EXOC1L: variants seen among roughly 807,000 people sequenced by gnomAD.
EXOC1L encodes exocyst complex component 1-like.
Under a neutral mutation model 4.9 loss-of-function variants are expected in EXOC1L, and 10 were observed. The ratio of observed to expected loss-of-function variants is 2.02; its 90% CI spans 1.25 to 3.43. The LOEUF (loss-of-function observed/expected upper bound fraction) is 3.43. Ranked by LOEUF, EXOC1L falls within the 30% of genes most tolerant of loss-of-function variation. The pLI, the probability that EXOC1L is intolerant of heterozygous loss-of-function variation, is 0.00. For missense variants in EXOC1L, 114 were observed against 59.4 expected (o/e 1.92, Z -3.02); for synonymous variants, 41 against 20.8 (o/e 1.97, Z -2.63).
intron 1 of EXOC1L, among the ~76,000 whole-genome samples, chr4:55,830,555 G>A (rs1720004376): frequency 6.6e-6 from 1 of 151,996 alleles, no homozygotes; most frequent in South Asian, 2.1e-4. Flanking sequence ...TTCAACTTAA[G>A]AGCTCTATGC....
At chr4:55,831,249 G>C in intron 1 of EXOC1L, 85 bp from the exon 2 acceptor site, 1 of 497,578 alleles carries the variant, frequency 2.0e-6, no homozygotes, top group Non-Finnish European at 3.5e-6. Context: ...ATTAAAAGGG[G>C]ATACATAAAT....
chr4:55,830,987 C>T (rs761401459), intron 1 of EXOC1L, among the ~76,000 whole-genome samples: 1 of 152,186 alleles, frequency 6.6e-6, no homozygotes, highest in Non-Finnish European at 1.5e-5. Flanking sequence ...ACACTTGGCA[C>T]TGACTGTATG....
intron 1 of EXOC1L, among the ~76,000 whole-genome samples, chr4:55,828,112 A>G (rs963488115): frequency 1.3e-5 from 2 of 151,978 alleles, no homozygotes; most frequent in African/African-American, 4.8e-5. Context: ...AAAACGTATA[A>G]TCCCTCCTCT....
At position 55,822,792 on chromosome 4, in the gene EXOC1L, C is replaced by G. The variant is rs549753634; in HGVS notation, c.121+2645C>G. The stretch of plus-strand genomic sequence containing the variant: ...AACACTTATATCTGCCCACAGTGCT[C>G]CCCTGTTAAATTCTTACTAGGATAA... On this transcript the variant is annotated intron_variant, in intron 1 of 2. Transcript: ENST00000636125. 3.5e-4 allele frequency among the ~76,000 whole-genome samples: 54 copies of G among 152,188 alleles called. 1 individual carries two copies. The South Asian group carries it at 0.011, about 32-fold the overall frequency.
At chr4:55,837,006 C>G in intron 2 of EXOC1L, 79 bp from the exon 3 acceptor site, 1 of 558,944 alleles carries the variant, frequency 1.8e-6, no homozygotes, top group South Asian at 2.5e-5. Flanking sequence ...TAAACATATC[C>G]AAGAGAATAT....
intron 2 of EXOC1L, 100 bp from the exon 3 acceptor site, chr4:55,836,985 T>A: frequency 3.9e-6 from 2 of 515,830 alleles, no homozygotes; most frequent in Non-Finnish European, 6.9e-6. Context: ...ATACTGATAC[T>A]TTACAATCAA....
intron 1 of EXOC1L, among the ~76,000 whole-genome samples, chr4:55,825,521 T>C (rs561282055): frequency 6.6e-6 from 1 of 152,316 alleles, no homozygotes; most frequent in South Asian, 2.1e-4. Flanking sequence ...TATGCAATAT[T>C]ACTTTTAGTA....
intron 1 of EXOC1L, among the ~76,000 whole-genome samples, chr4:55,821,359 A>G (rs1719732668): frequency 6.6e-6 from 1 of 152,180 alleles, no homozygotes; most frequent in Non-Finnish European, 1.5e-5. Flanking sequence ...TAAAAACAAT[A>G]TAAGTAAGAA....
intron 2 of EXOC1L, among the ~76,000 whole-genome samples, chr4:55,832,893 A>C (rs889150879): frequency 1.3e-5 from 2 of 152,040 alleles, no homozygotes; most frequent in Admixed American, 6.6e-5. Flanking sequence ...CTGAGGATAC[A>C]GTAGAGAATT....
Position 55,833,038 on chromosome 4 carries a change from T to G in EXOC1L, c.252+1574T>G, listed in dbSNP as rs999086843. ...TTAAAAACCTTTTTAAAAAAGTTGGTGTGTTTGACATGACTTCTTGGCAAA... is the reference window on the plus strand; with the variant it reads ...TTAAAAACCTTTTTAAAAAAGTTGGGGTGTTTGACATGACTTCTTGGCAAA... On this transcript the variant is annotated intron_variant, in intron 2 of 2. Coordinates refer to ENST00000636125, the MANE Select transcript of EXOC1L (RefSeq NM_001351574.3). Among the ~76,000 whole-genome samples, 5 of 152,188 alleles carry G rather than the reference T, an allele frequency of 3.3e-5. 1 individual carries two copies. The highest frequency in any genetic ancestry group is 1.2e-4 in the African/African-American group (5 of 41,576).
At chr4:55,821,045 C>A (rs1362161250) in intron 1 of EXOC1L, among the ~76,000 whole-genome samples, 1 of 152,158 alleles carries the variant, frequency 6.6e-6, no homozygotes, top group Admixed American at 6.5e-5. Flanking sequence ...AAGGAACACA[C>A]CTATTTTCAG....
intron 2 of EXOC1L, among the ~76,000 whole-genome samples, chr4:55,834,736 T>C (rs1230501624): frequency 1.3e-5 from 2 of 151,928 alleles, no homozygotes; most frequent in Non-Finnish European, 2.9e-5. Flanking sequence ...AAAAAAATTG[T>C]GAATGTGACT....
intron 1 of EXOC1L, among the ~76,000 whole-genome samples, chr4:55,823,111 T>C (rs1029887487): frequency 6.6e-5 from 10 of 152,042 alleles, no homozygotes; most frequent in African/African-American, 2.4e-4. Context: ...CTTCCATTCA[T>C]AGCTATTAAT....
chr4:55,835,734 C>T (rs1379138159), intron 2 of EXOC1L, among the ~76,000 whole-genome samples: 1 of 151,736 alleles, frequency 6.6e-6, no homozygotes, highest in African/African-American at 2.4e-5. Context: ...TGTTTGAGTT[C>T]CTTGTAGATT....
intron 1 of EXOC1L, among the ~76,000 whole-genome samples, chr4:55,823,019 T>C (rs1719785990): frequency 6.6e-6 from 1 of 150,992 alleles, no homozygotes; most frequent in Non-Finnish European, 1.5e-5. Flanking sequence ...AATTGATATA[T>C]TGTATATTAT....
At chr4:55,830,048 C>A (rs935460909) in intron 1 of EXOC1L, among the ~76,000 whole-genome samples, 2 of 152,138 alleles carry the variant, frequency 1.3e-5, no homozygotes, top group African/African-American at 4.8e-5. Context: ...TGCAGTATGA[C>A]CCCTGTCTTT....
chr4:55,836,341 TAAAG>T (rs976586402), intron 2 of EXOC1L, among the ~76,000 whole-genome samples: 7 of 151,932 alleles, frequency 4.6e-5, no homozygotes, highest in African/African-American at 1.4e-4. Flanking sequence ...ATATCTGTCT[TAAAG>T]AAGAGTTAGG....
At chr4:55,822,627 G>T (rs1487873525) in intron 1 of EXOC1L, among the ~76,000 whole-genome samples, 1 of 152,186 alleles carries the variant, frequency 6.6e-6, no homozygotes, top group Non-Finnish European at 1.5e-5. Context: ...GGGCATAGTG[G>T]AACAGACCTT....
intron 1 of EXOC1L, among the ~76,000 whole-genome samples, chr4:55,823,753 G>A (rs1022584187): frequency 1.3e-5 from 2 of 152,154 alleles, no homozygotes; most frequent in African/African-American, 4.8e-5. Flanking sequence ...CTGTCACCCA[G>A]GCTGGAGTGC....
Sources: allele counts gnomAD v4.1 joint callset (sites outside exome capture counted in the v4.1 genomes callset), GRCh38; gene constraint gnomAD v4.1.1; transcripts MANE v1.5; gene names NCBI Gene and HGNC (gene_info 2026-07-23, HGNC 2026-07-21).